DLG4: variants seen among roughly 807,000 people sequenced by gnomAD.
DLG4 encodes the protein disks large homolog 4.
In DLG4, 7 loss-of-function variants were observed where a neutral mutation model predicts 93.8. The ratio of observed to expected loss-of-function variants is 0.07; its 90% CI spans 0.04 to 0.14. DLG4 has a LOEUF of 0.14. Among genes scored for constraint, DLG4 ranks in the 10% least tolerant of loss-of-function variants. The pLI is 1.00. For synonymous variants in DLG4, 341 were observed against 387.6 expected, an observed-to-expected ratio of 0.88 and a Z score of 1.41; for missense variants, 545 against 992.9, an observed-to-expected ratio of 0.55 and a Z score of 6.06.
upstream of DLG4, chr17:7,218,691 T>C: frequency 6.5e-7 from 1 of 1,540,272 alleles, no homozygotes; most frequent in Non-Finnish European, 8.8e-7. Flanking sequence ...CACAGGAAGA[T>C]GAACACACTG....
At chr17:7,205,915 G>T (rs545465648) in intron 2 of DLG4, among the ~76,000 whole-genome samples, 9 of 150,882 alleles carry the variant, frequency 6.0e-5, no homozygotes, top group African/African-American at 2.0e-4. Flanking sequence ...CATCCACTAC[G>T]ACATTCATTT....
chr17:7,215,575 T>G (rs898373422), intron 1 of DLG4, among the ~76,000 whole-genome samples: 1 of 151,842 alleles, frequency 6.6e-6, no homozygotes, highest in African/African-American at 2.4e-5. Context: ...GGCATAAAAA[T>G]CCACCGAAAC....
At chr17:7,215,646 C>A (rs966408211) in intron 1 of DLG4, among the ~76,000 whole-genome samples, 2 of 152,138 alleles carry the variant, frequency 1.3e-5, no homozygotes, top group African/African-American at 4.8e-5. Context: ...GAATGAAGGA[C>A]AAGAAAGTCG....
intron 2 of DLG4, 50 bp from the exon 3 acceptor site, chr17:7,204,302 G>A (rs767774152): frequency 7.2e-6 from 11 of 1,524,236 alleles, no homozygotes; most frequent in South Asian, 1.3e-5. Context: ...TGACTCGAGA[G>A]GGAGCCCATA....
At chr17:7,207,144 T>C (rs1210769233) in intron 2 of DLG4, among the ~76,000 whole-genome samples, 1 of 146,166 alleles carries the variant, frequency 6.8e-6, no homozygotes. Context: ...ATGGCAGAGG[T>C]GAGAACCCAA....
At chr17:7,197,173 T>A (rs897711259) in intron 8 of DLG4, 121 bp from the exon 9 acceptor site, 2 of 995,992 alleles carry the variant, frequency 2.0e-6, no homozygotes, top group Admixed American at 2.7e-5. Flanking sequence ...CTGCCAGAGA[T>A]GCCAGGGTGG....
chr17:7,219,913 C>G (rs117559220), upstream of DLG4: 1 of 677,064 alleles, frequency 1.5e-6, no homozygotes, highest in Non-Finnish European at 2.1e-6. Flanking sequence ...GTTAGGGGCG[C>G]CAGGACGTGG....
Position 7,193,779 on chromosome 17 carries a change from T to A in DLG4, c.1543+65A>T, listed in dbSNP as rs2069624646. On this transcript the variant is annotated intron_variant, in intron 14 of 19. Transcript: ENST00000399506. This position sits in a 1 kb window ranked among gnomAD's most constrained non-coding sequence, Gnocchi z 6.7. ...GGGGACCTGGAGCCCTGTCTCCCCC[T>A]TGAGGATATCAAAAGCAACTCAGTG... 2 of 1,611,362 alleles carry A rather than the reference T, an allele frequency of 1.2e-6. No homozygotes were observed. The highest frequency in any genetic ancestry group is 1.3e-5 in the African/African-American group (1 of 74,858).
At position 7,189,386 on chromosome 17, in the gene DLG4, G is replaced by A. The variant is rs1032154100; in HGVS notation, c.*1322C>T. Among the ~76,000 whole-genome samples the A allele has an allele frequency of 2.6e-5, 4 of 151,724 alleles. No individual in the cohort carries two copies. The East Asian group carries it at 5.8e-4, about 22-fold the overall frequency. On this transcript the variant is annotated 3_prime_UTR_variant, in exon 20 of 20. Coordinates refer to ENST00000399506, the MANE Select transcript of DLG4 (RefSeq NM_001321075.3). Reference sequence around the variant, plus strand: ...AATCTGTAATCCCAGCTACTCAGGGGGCTGAGGCAGGAGAATCACTTGAAC... The same window carrying A: ...AATCTGTAATCCCAGCTACTCAGGGAGCTGAGGCAGGAGAATCACTTGAAC...
chr17:7,205,158 C>A, intron 2 of DLG4: 1 of 985,508 alleles, frequency 1.0e-6, no homozygotes, highest in Non-Finnish European at 1.2e-6. Flanking sequence ...ACGCCCCTCA[C>A]CCTACGCAGT....
intron 8 of DLG4, among the ~76,000 whole-genome samples, chr17:7,200,284 G>A (rs891709350): frequency 3.9e-5 from 6 of 152,092 alleles, no homozygotes; most frequent in African/African-American, 1.4e-4. Flanking sequence ...ATTTGGAGCC[G>A]GTTGAGATCT....
intron 2 of DLG4, among the ~76,000 whole-genome samples, chr17:7,207,686 ACACACGCATACAG>A (rs2070530619): frequency 6.6e-6 from 1 of 152,042 alleles, no homozygotes; most frequent in Non-Finnish European, 1.5e-5. Flanking sequence ...ACACCTCAAC[ACACACGCATACAG>A]CACACGCACA....
Position 7,203,421 on chromosome 17 carries a change from T to C in DLG4, c.505+3A>G. On this transcript the variant is annotated splice_donor_region_variant and intron_variant, in intron 6 of 19. Transcript: ENST00000399506. The surrounding 1 kb of genome is among the most constrained non-coding windows in gnomAD (Gnocchi z 7.2). ...TGGGGGTGGGAACAAAATGAGTTAC[T>C]ACCTTTAGGCCCCTTGATGAGCTTG... 2 of 1,601,142 alleles carry C rather than the reference T, an allele frequency of 1.2e-6. No individual in the cohort carries two copies. The highest frequency in any genetic ancestry group is 1.7e-6 in the Non-Finnish European group (2 of 1,169,334).
At chr17:7,214,625 C>T (rs2070832949) in intron 1 of DLG4, among the ~76,000 whole-genome samples, 1 of 152,218 alleles carries the variant, frequency 6.6e-6, no homozygotes, top group Non-Finnish European at 1.5e-5. Flanking sequence ...GTCTTTCCCC[C>T]ACTGTATCCC....
chr17:7,203,260 G>C lies in DLG4; in HGVS notation c.575C>G (p.Thr192Arg), dbSNP rs1567540933. The part of the protein sequence containing the change: ...HIPGDNSIYV[T>R]KIIEGGAAHK... ...GGCAGCACCCCCTTCGATGATCTTT[G>C]TTACATAGATGCTATTATCTCCTGG... is the stretch of plus-strand genomic sequence containing the variant. The change falls in exon 7 of 20, where the codon ACA (threonine) becomes AGA (arginine). Residue 192 changes from threonine (T) to arginine (R), a missense_variant. Around this residue, in one of 5 missense-constraint regions of DLG4, gnomAD observed 428 missense variants for 741.4 expected, o/e 0.58. Transcript: ENST00000399506. The surrounding 1 kb of genome is among the most constrained non-coding windows in gnomAD (Gnocchi z 7.2). 1 of 1,611,380 alleles carries C rather than the reference G, an allele frequency of 6.2e-7. No homozygotes were observed. The highest frequency in any genetic ancestry group is 8.5e-7 in the Non-Finnish European group (1 of 1,177,758).
Position 7,190,828 on chromosome 17 carries a change from G to A in DLG4, c.2069-14C>T, listed in dbSNP as rs766792094. 3 of 1,610,924 alleles carry A rather than the reference G, an allele frequency of 1.9e-6. No homozygotes were observed. The highest frequency in any genetic ancestry group is 2.5e-6 in the Non-Finnish European group (3 of 1,177,418). On this transcript the variant is annotated splice_polypyrimidine_tract_variant and intron_variant, in intron 19 of 19. Coordinates refer to ENST00000399506, the MANE Select transcript of DLG4 (RefSeq NM_001321075.3). Reference sequence around the variant, plus strand: ...CCTCCACGATGGCTGGGAGTGGGGTGGAGCAGGGAGTGAGGCCAAGGAAGG... The same window carrying A: ...CCTCCACGATGGCTGGGAGTGGGGTAGAGCAGGGAGTGAGGCCAAGGAAGG...
intron 2 of DLG4, among the ~76,000 whole-genome samples, chr17:7,207,800 A>G (rs1415173872): frequency 1.3e-5 from 2 of 150,362 alleles, no homozygotes; most frequent in African/African-American, 2.5e-5. Flanking sequence ...CACACAGCAC[A>G]CGCGCACAGG....
rs749812859 is a variant in DLG4, at chr17:7,203,622, A to T, written c.336-29T>A. On this transcript the variant is annotated intron_variant, in intron 5 of 19. Coordinates refer to ENST00000399506, the MANE Select transcript of DLG4 (RefSeq NM_001321075.3). The surrounding 1 kb of genome is among the most constrained non-coding windows in gnomAD (Gnocchi z 7.2). ...GGAGCAGCAAGGTGGGCCTGAGCCA[A>T]GAGCTTCCTGCTGCCCTGGCCCTCC... 7 of 1,609,018 alleles carry T rather than the reference A, an allele frequency of 4.4e-6. No individual in the cohort carries two copies. The East Asian group carries it at 1.3e-4, about 31-fold the overall frequency.
chr17:7,192,062 A>T, intron 17 of DLG4, 60 bp from the exon 18 acceptor site: 1 of 983,088 alleles, frequency 1.0e-6, no homozygotes. Flanking sequence ...GACAGAGAGC[A>T]GTGCCGGAGG....
Sources: allele counts gnomAD v4.1 joint callset (sites outside exome capture counted in the v4.1 genomes callset), GRCh38; gene constraint gnomAD v4.1.1; regional missense constraint gnomAD v4.1.1; non-coding constraint Gnocchi (gnomAD v3.1); transcripts MANE v1.5; gene names NCBI Gene and HGNC (gene_info 2026-07-23, HGNC 2026-07-21).